The following PTPRO variants were observed in gnomAD, a reference collection of about 807,000 sequenced individuals.
The protein encoded by PTPRO is protein tyrosine phosphatase receptor type O, also known as receptor-type tyrosine-protein phosphatase O.
A neutral mutation model predicts 145.2 loss-of-function variants in PTPRO; 62 were observed. The observed-to-expected ratio is 0.43, with a 90% CI of 0.35 to 0.53. PTPRO has a LOEUF of 0.53. PTPRO is among the 20% of genes least tolerant of loss of function. The probability of loss-of-function intolerance (pLI) is 0.01; values close to 1 mark genes in which losing one functional copy is unlikely to be tolerated. For synonymous variants in PTPRO, 565 were observed against 514.7 expected, an observed-to-expected ratio of 1.10 and a Z score of -1.32; for missense variants, 1,345 against 1,482.7, an observed-to-expected ratio of 0.91 and a Z score of 1.53.
intron 6 of PTPRO, 59 bp from the exon 7 acceptor site, chr12:15,508,512 C>A (rs1026720529): frequency 8.7e-5 from 131 of 1,512,212 alleles, no homozygotes; most frequent in Non-Finnish European, 1.1e-4. Context: ...AAACCAGAAT[C>A]TTTTATCTCA....
Position 15,484,105 on chromosome 12 carries a change from C to T in PTPRO, c.207C>T (p.Phe69=), listed in dbSNP as rs746376101. 1.9e-5 allele frequency: 31 copies of T among 1,613,596 alleles called. No individual in the cohort carries two copies. The highest frequency in any genetic ancestry group is 3.3e-4 in the Middle Eastern group (2 of 6,084). ...KITGESKNYF[F]EFEEFNSTLP... ...CTGGTGAATCCAAAAATTATTTCTTCGAATTTGAGGAATTCAACAGCACTT... is the reference window on the plus strand; with the variant it reads ...CTGGTGAATCCAAAAATTATTTCTTTGAATTTGAGGAATTCAACAGCACTT... Residue 69 remains phenylalanine (F), a synonymous_variant, in exon 2 of 27, where the codon TTC becomes TTT. Coordinates refer to ENST00000281171, the MANE Select transcript of PTPRO (RefSeq NM_030667.3).
Position 15,551,659 on chromosome 12 carries a change from T to C in PTPRO, c.2546T>C (p.Leu849Pro). The change falls in exon 15 of 27, where the codon CTG (leucine) becomes CCG (proline). Residue 849 changes from leucine to proline, a missense_variant. Leu to Pro is a moderately conservative substitution (Grantham distance 98). This residue lies in a region of PTPRO where 1,130 missense variants were observed against 1,214.7 expected (regional missense o/e 0.93). Coordinates refer to ENST00000281171, the MANE Select transcript of PTPRO (RefSeq NM_030667.3). ...CTCATTATTCTTAGGAAAAAGCATC[T>C]GCAGATGGCTAGGTAAGTTAAGTTT... is the stretch of plus-strand genomic sequence containing the variant. ...VTLIILRKKH[L>P]QMARECGAGT... 2 of 1,613,552 alleles carry C rather than the reference T, an allele frequency of 1.2e-6. No individual in the cohort carries two copies. The highest frequency in any genetic ancestry group is 1.7e-6 in the Non-Finnish European group (2 of 1,179,666).
chr12:15,357,215 A>T (rs1938023627), intron 1 of PTPRO, among the ~76,000 whole-genome samples: 1 of 152,222 alleles, frequency 6.6e-6, no homozygotes, highest in Non-Finnish European at 1.5e-5. Flanking sequence ...ATCTCTAATT[A>T]CTGCATGCCA....
intron 1 of PTPRO, among the ~76,000 whole-genome samples, chr12:15,455,504 A>T (rs1178278285): frequency 6.6e-6 from 1 of 152,054 alleles, no homozygotes; most frequent in East Asian, 1.9e-4. Flanking sequence ...ACACCTTTCC[A>T]ATTGTTTGTG....
intron 2 of PTPRO, among the ~76,000 whole-genome samples, chr12:15,490,278 T>C (rs923889047): frequency 2.0e-5 from 3 of 152,126 alleles, no homozygotes; most frequent in African/African-American, 7.2e-5. Flanking sequence ...AAATCTACAA[T>C]TCATTCTAGG....
intron 1 of PTPRO, among the ~76,000 whole-genome samples, chr12:15,355,462 A>G (rs1459696462): frequency 6.6e-6 from 1 of 152,236 alleles, no homozygotes; most frequent in Non-Finnish European, 1.5e-5. Flanking sequence ...AGTTCCCACT[A>G]TGAAGAAAAC....
At chr12:15,486,595 G>C (rs527879726) in intron 2 of PTPRO, among the ~76,000 whole-genome samples, 2 of 151,886 alleles carry the variant, frequency 1.3e-5, no homozygotes, top group East Asian at 3.9e-4. Flanking sequence ...ACATTAAAAT[G>C]CTTTTTAAAA....
chr12:15,560,331 G>A, intron 17 of PTPRO, 55 bp downstream of exon 17: 2 of 1,341,590 alleles, frequency 1.5e-6, no homozygotes, highest in South Asian at 1.2e-5. Flanking sequence ...TAGCTTTCAA[G>A]AAGTAAACAA....
In PTPRO at chr12:15,580,022, C is replaced by G. The variant is rs746761447; in HGVS notation, c.2921-17C>G. 3 of 1,604,220 alleles carry G rather than the reference C, an allele frequency of 1.9e-6. No individual in the cohort carries two copies. The Admixed American group carries it at 5.0e-5, about 27-fold the overall frequency. The stretch of plus-strand genomic sequence containing the variant: ...CCATCTTGAATTTTAATATTTTTTT[C>G]TCCTTATTCTCTACAGATGACTTCA... On this transcript the variant is annotated splice_polypyrimidine_tract_variant and intron_variant, in intron 20 of 26. Transcript: ENST00000281171.
At position 15,515,484 on chromosome 12, in the gene PTPRO, T is replaced by C; in HGVS notation, c.1465-14T>C. On this transcript the variant is annotated splice_polypyrimidine_tract_variant and intron_variant, in intron 7 of 26. Coordinates refer to ENST00000281171, the MANE Select transcript of PTPRO (RefSeq NM_030667.3). ...CCAGCTCTAAATAAATCTTATTGGG[T>C]GTTTGGTTTAAAGGTGAACTCAAGC... is the stretch of plus-strand genomic sequence containing the variant. 6.2e-7 allele frequency: 1 copy of C among 1,613,626 alleles called. No individual in the cohort carries two copies. Among genetic ancestry groups the C allele is most frequent in the South Asian group, 1.1e-5 (1 of 91,070 alleles).
rs1439031606 is a variant in PTPRO at position 15,495,894 on chromosome 12, C to G, written c.350-1351C>G. 2.6e-5 allele frequency among the ~76,000 whole-genome samples: 4 copies of G among 152,020 alleles called. No individual in the cohort carries two copies. In the East Asian group the frequency reaches 5.8e-4, roughly 22 times the overall value. On this transcript the variant is annotated intron_variant, in intron 2 of 26. Coordinates refer to ENST00000281171, the MANE Select transcript of PTPRO (RefSeq NM_030667.3). ...TAGGTTTTCTGTCATCCAGCCTAAG[C>G]AAAGCAGGACAAGAAAGGGGGGAAG...
At chr12:15,486,659 T>C (rs1941894286) in intron 2 of PTPRO, among the ~76,000 whole-genome samples, 1 of 152,054 alleles carries the variant, frequency 6.6e-6, no homozygotes, top group Non-Finnish European at 1.5e-5. Context: ...ATTCAAAATA[T>C]TATTTCAACA....
At chr12:15,595,649 A>T (rs4764214) in intron 26 of PTPRO, 152,583 of 155,796 alleles carry the variant, frequency 0.98, 74,797 homozygotes, top group East Asian at 1. Flanking sequence ...GTGTAAGTAA[A>T]CTTGGCTGAG....
intron 1 of PTPRO, among the ~76,000 whole-genome samples, chr12:15,437,514 G>T (rs1235868169): frequency 6.6e-6 from 1 of 152,110 alleles, no homozygotes; most frequent in South Asian, 2.1e-4. Context: ...AGCCTGAGCT[G>T]CCCCACCATT....
chr12:15,577,732 C>T (rs1431250148), intron 19 of PTPRO, among the ~76,000 whole-genome samples: 1 of 152,196 alleles, frequency 6.6e-6, no homozygotes. Context: ...GTTATGTACA[C>T]TGTTTACTAA....
At position 15,402,409 on chromosome 12, in the gene PTPRO, C is replaced by T. The variant is rs188426278; in HGVS notation, c.75+79608C>T. ...TTCAAGAAAAAAAAAAAAGAAAACC[C>T]AATAGGAATTCCTCCTCAAGGTATA... On this transcript the variant is annotated intron_variant, in intron 1 of 26. Coordinates refer to ENST00000281171, the MANE Select transcript of PTPRO (RefSeq NM_030667.3). 1.5e-3 allele frequency among the ~76,000 whole-genome samples: 223 copies of T among 151,758 alleles called. 1 individual carries two copies. Among genetic ancestry groups the T allele is most frequent in the African/African-American group, 5.3e-3 (220 of 41,404 alleles).
chr12:15,469,299 C>A (rs1941485168), intron 1 of PTPRO, among the ~76,000 whole-genome samples: 1 of 152,154 alleles, frequency 6.6e-6, no homozygotes, highest in Non-Finnish European at 1.5e-5. Flanking sequence ...TAAAGTCAGG[C>A]AAAATGATAT....
At chr12:15,355,915 G>A (rs532420036) in intron 1 of PTPRO, among the ~76,000 whole-genome samples, 3 of 152,298 alleles carry the variant, frequency 2.0e-5, no homozygotes, top group African/African-American at 7.2e-5. Context: ...TGTTTTCTTT[G>A]TTCACAGTTA....
At chr12:15,528,292 A>C (rs1046975780) in intron 12 of PTPRO, among the ~76,000 whole-genome samples, 1 of 151,422 alleles carries the variant, frequency 6.6e-6, no homozygotes, top group Non-Finnish European at 1.5e-5. Flanking sequence ...CAAGGCGGGC[A>C]GATCACGAGG....
Sources: gnomAD v4.1 joint callset for allele counts (sites outside exome capture counted in the v4.1 genomes callset) on GRCh38, gnomAD v4.1.1 for gene constraint, gnomAD v4.1.1 regional missense constraint, MANE v1.5 for transcripts, NCBI Gene and HGNC (gene_info 2026-07-23, HGNC 2026-07-21) for gene names.